CLSTN2: variants seen among roughly 807,000 people sequenced by gnomAD.
CLSTN2 encodes calsyntenin 2.
CLSTN2 carries 48 observed loss-of-function variants against 101.2 expected under a neutral mutation model. The observed-to-expected ratio is 0.47, with a 90% confidence interval of 0.38 to 0.60. CLSTN2 has a LOEUF of 0.60. CLSTN2 is among the 20% of genes least tolerant of loss of function. The pLI, the probability that CLSTN2 is intolerant of heterozygous loss-of-function variation, is 0.00. For missense variants in CLSTN2, 1,160 were observed against 1,238.2 expected (o/e 0.94, Z 0.95); for synonymous variants, 481 against 463.6 (o/e 1.04, Z -0.48).
At chr3:140,303,913 C>T (rs2087086477) in intron 2 of CLSTN2, among the ~76,000 whole-genome samples, 1 of 151,760 alleles carries the variant, frequency 6.6e-6, no homozygotes, top group African/African-American at 2.4e-5. Context: ...ATCTAGGATG[C>T]TGGGGAAAAT....
intron 1 of CLSTN2, among the ~76,000 whole-genome samples, chr3:140,131,740 C>T (rs1484215176): frequency 1.3e-5 from 2 of 152,026 alleles, no homozygotes; most frequent in Non-Finnish European, 2.9e-5. Flanking sequence ...GAGCTTCCCA[C>T]GACTTTTCAG....
intron 8 of CLSTN2, among the ~76,000 whole-genome samples, chr3:140,496,957 C>T (rs1280945961): frequency 2.0e-5 from 3 of 152,068 alleles, no homozygotes; most frequent in East Asian, 1.9e-4. Context: ...AAAAATTAGC[C>T]GGACGTGGTG....
At chr3:140,445,116 C>T (rs1257124316) in intron 5 of CLSTN2, among the ~76,000 whole-genome samples, 1 of 152,204 alleles carries the variant, frequency 6.6e-6, no homozygotes, top group Non-Finnish European at 1.5e-5. Context: ...ACCAAAGCAA[C>T]TGGCAATTGT....
rs986495660 is a variant in CLSTN2, at chr3:139,971,853, C to T, written c.109+36370C>T. Among the ~76,000 whole-genome samples, 52 of 152,148 alleles carry T rather than the reference C, an allele frequency of 3.4e-4. 1 individual carries two copies. The highest frequency in any genetic ancestry group is 3.3e-3 in the Admixed American group (51 of 15,266). The stretch of plus-strand genomic sequence containing the variant: ...CATGCCCATGTATGACATCAGCCTT[C>T]CTGGTCCCCTGGGCTCCAGTGTCAC... On this transcript the variant is annotated intron_variant, in intron 1 of 16. Transcript: ENST00000458420.
At chr3:140,237,313 C>T (rs1193371976) in intron 2 of CLSTN2, among the ~76,000 whole-genome samples, 1 of 152,200 alleles carries the variant, frequency 6.6e-6, no homozygotes, top group Non-Finnish European at 1.5e-5. Context: ...GGCTTTCCCT[C>T]ACTGGCTGGT....
In CLSTN2 at chr3:140,577,118, G is replaced by A. The variant is rs1985755066; in HGVS notation, c.*10865G>A. 1 of 152,158 alleles carries A rather than the reference G, an allele frequency of 6.6e-6. No individual in the cohort carries two copies. The highest frequency in any genetic ancestry group is 1.5e-5 in the Non-Finnish European group (1 of 68,026). The allele number at this position is 152,158 out of a possible 1,614,324, so 9.4% of individuals were successfully genotyped here. A position where few individuals can be genotyped will look rare whatever the true frequency, so the allele number is the denominator to read the frequency against. On this transcript the variant is annotated 3_prime_UTR_variant, in exon 17 of 17. Transcript: ENST00000458420. ...AGTGAGGGGCGCTGAGAGTCTCTAT[G>A]TATATAAAGATATAGGAAGAAAATA...
chr3:140,126,943 T>C (rs746127775), intron 1 of CLSTN2, among the ~76,000 whole-genome samples: 2 of 151,726 alleles, frequency 1.3e-5, no homozygotes, highest in Non-Finnish European at 2.9e-5. Context: ...TGACAATAGT[T>C]AAAATAATGT....
At chr3:140,447,956 GC>G in intron 5 of CLSTN2, among the ~76,000 whole-genome samples, 1 of 152,252 alleles carries the variant, frequency 6.6e-6, no homozygotes, top group South Asian at 2.1e-4. Context: ...TGTACAACAA[GC>G]CCCCATGACA....
chr3:140,531,534 G>C (rs7636074), intron 8 of CLSTN2, among the ~76,000 whole-genome samples: 3,087 of 152,232 alleles, frequency 0.02, 106 homozygotes, highest in African/African-American at 0.071. Flanking sequence ...ATGCAGATGA[G>C]AGACATTTCA....
At chr3:139,951,731 C>A (rs926150503) in intron 1 of CLSTN2, among the ~76,000 whole-genome samples, 1 of 151,944 alleles carries the variant, frequency 6.6e-6, no homozygotes, top group Non-Finnish European at 1.5e-5. Flanking sequence ...CAGCTGCCAC[C>A]CTTTGGGAAA....
intron 2 of CLSTN2, among the ~76,000 whole-genome samples, chr3:140,253,230 C>T (rs115276718): frequency 9.7e-4 from 148 of 152,160 alleles, no homozygotes; most frequent in African/African-American, 3.4e-3. Flanking sequence ...GTTGTGGTCA[C>T]GGGCAGGAGT....
intron 2 of CLSTN2, among the ~76,000 whole-genome samples, chr3:140,356,631 G>A (rs1447860297): frequency 2.0e-5 from 3 of 151,546 alleles, no homozygotes; most frequent in African/African-American, 2.4e-5. Flanking sequence ...GGTGACGCAC[G>A]CCTGTCATCC....
At chr3:140,447,689 C>T (rs1038302837) in intron 5 of CLSTN2, among the ~76,000 whole-genome samples, 2 of 152,210 alleles carry the variant, frequency 1.3e-5, no homozygotes, top group Admixed American at 1.3e-4. Flanking sequence ...CCTTGAACAA[C>T]CATGCTTCCT....
chr3:140,296,059 T>A lies in CLSTN2; in HGVS notation c.233-107570T>A, dbSNP rs547910838. ...TCTGATTTACAATATGGCCTTTATA[T>A]CTGGATTTATTTATGAACTCTTCAT... On this transcript the variant is annotated intron_variant, in intron 2 of 16. Coordinates refer to ENST00000458420, the MANE Select transcript of CLSTN2 (RefSeq NM_022131.3). Among the ~76,000 whole-genome samples the A allele has an allele frequency of 4.6e-5, 7 of 152,314 alleles. No homozygotes were observed. The South Asian group carries it at 1.2e-3, about 27-fold the overall frequency.
chr3:140,077,261 G>C (rs2008507724), intron 1 of CLSTN2, among the ~76,000 whole-genome samples: 1 of 152,112 alleles, frequency 6.6e-6, no homozygotes. Flanking sequence ...GGCCTCTTCT[G>C]TCCTAGTCAT....
intron 2 of CLSTN2, among the ~76,000 whole-genome samples, chr3:140,311,780 C>G (rs2107917327): frequency 6.6e-6 from 1 of 152,240 alleles, no homozygotes; most frequent in Middle Eastern, 3.4e-3. Context: ...CCCAGTCCCA[C>G]AGTAAGTGTG....
At chr3:140,553,971 G>A (rs11710493) in intron 10 of CLSTN2, among the ~76,000 whole-genome samples, 1,872 of 150,958 alleles carry the variant, frequency 0.012, 20 homozygotes, top group Admixed American at 0.019. Context: ...GTAAAATGTA[G>A]GCTCGAGAGC....
At chr3:139,962,048 G>A (rs2107814936) in intron 1 of CLSTN2, among the ~76,000 whole-genome samples, 1 of 151,908 alleles carries the variant, frequency 6.6e-6, no homozygotes, top group East Asian at 1.9e-4. Context: ...GATTTTTTTG[G>A]TCAGATATAT....
intron 2 of CLSTN2, among the ~76,000 whole-genome samples, chr3:140,300,102 C>T (rs2107909079): frequency 6.6e-6 from 1 of 152,336 alleles, no homozygotes; most frequent in African/African-American, 2.4e-5. Context: ...TGCAGTCTCG[C>T]TCCCAATCTC....
Sources: gnomAD v4.1 joint callset for allele counts (sites outside exome capture counted in the v4.1 genomes callset) on GRCh38, gnomAD v4.1.1 for gene constraint, MANE v1.5 for transcripts, NCBI Gene and HGNC (gene_info 2026-07-23, HGNC 2026-07-21) for gene names.